Variants in MSRA observed in about 807,000 individuals in gnomAD.
MSRA encodes the protein methionine sulfoxide reductase A, also known as mitochondrial peptide methionine sulfoxide reductase.
In MSRA, 54 loss-of-function variants were observed where a neutral mutation model predicts 31.3. The ratio of observed to expected loss-of-function variants is 1.73; its 90% CI spans 1.39 to 2.17. The LOEUF (loss-of-function observed/expected upper bound fraction) is 2.17. Ranked by LOEUF, MSRA falls within the 30% of genes most tolerant of loss-of-function variation. MSRA has a pLI of 0.00. For synonymous variants in MSRA, 169 were observed against 116.5 expected (o/e 1.45, Z -2.90); for missense variants, 507 against 300.9 (o/e 1.69, Z -5.07).
At chr8:10,359,740 A>ATCTCAGATGGAGGATGG (rs1200842087) in intron 5 of MSRA, among the ~76,000 whole-genome samples, 3 of 151,780 alleles carry the variant, frequency 2.0e-5, no homozygotes, top group Non-Finnish European at 2.9e-5. Flanking sequence ...ATGGAGGACG[A>ATCTCAGATGGAGGATGG]TCTCAGATGG....
Position 10,183,302 on chromosome 8 carries a change from C to A in MSRA, c.143-24531C>A. Among the ~76,000 whole-genome samples the A allele has an allele frequency of 1.3e-5, 2 of 152,166 alleles. 1 individual carries two copies. Among genetic ancestry groups the A allele is most frequent in the Non-Finnish European group, 2.9e-5 (2 of 68,028 alleles). ...GCTTAGGACCAAGGCTGTGTGAGAA[C>A]CAACCGAAGACAGACCTGCAATGTG... is the stretch of plus-strand genomic sequence containing the variant. On this transcript the variant is annotated intron_variant, in intron 1 of 5. Transcript: ENST00000317173.
At chr8:10,127,319 ATAAATGGG>A (rs1215249065) in intron 1 of MSRA, among the ~76,000 whole-genome samples, 1 of 152,258 alleles carries the variant, frequency 6.6e-6, no homozygotes, top group Admixed American at 6.5e-5. Flanking sequence ...AACCTCAGGC[ATAAATGGG>A]TACGGACTAT....
chr8:10,241,447 A>G (rs1585251383), intron 2 of MSRA, among the ~76,000 whole-genome samples: 3 of 152,194 alleles, frequency 2.0e-5, no homozygotes. Flanking sequence ...GATGATGTTT[A>G]AAAAACTCTT....
At chr8:10,285,914 A>C (rs1053776040) in intron 3 of MSRA, among the ~76,000 whole-genome samples, 3 of 152,150 alleles carry the variant, frequency 2.0e-5, no homozygotes, top group African/African-American at 7.2e-5. Context: ...TGTGACATTT[A>C]ATTAAAATTT....
intron 5 of MSRA, among the ~76,000 whole-genome samples, chr8:10,389,294 T>C (rs1806586930): frequency 6.6e-6 from 1 of 152,168 alleles, no homozygotes; most frequent in African/African-American, 2.4e-5. Flanking sequence ...GGAGGAGTGA[T>C]AGAGTTCTAG....
chr8:10,397,121 A>G (rs144181743), intron 5 of MSRA, among the ~76,000 whole-genome samples: 11 of 152,330 alleles, frequency 7.2e-5, no homozygotes, highest in African/African-American at 2.6e-4. Flanking sequence ...GGACTCTATG[A>G]TCCGCAGGTG....
At chr8:10,294,085 T>G (rs1800397299) in intron 3 of MSRA, among the ~76,000 whole-genome samples, 1 of 152,092 alleles carries the variant, frequency 6.6e-6, no homozygotes, top group Non-Finnish European at 1.5e-5. Flanking sequence ...GCACCTATAA[T>G]CTCAGCTACT....
intron 1 of MSRA, among the ~76,000 whole-genome samples, chr8:10,152,170 G>A (rs1803736947): frequency 6.6e-6 from 1 of 152,138 alleles, no homozygotes; most frequent in African/African-American, 2.4e-5. Flanking sequence ...CAGCAAATTG[G>A]ACTTCAGCTT....
chr8:10,095,462 G>C, intron 1 of MSRA: 1 of 985,386 alleles, frequency 1.0e-6, no homozygotes, highest in Non-Finnish European at 1.2e-6. Context: ...ATCCGCAAAG[G>C]ACATCTTTTG....
chr8:10,067,392 A>T (rs1651192634), intron 1 of MSRA, among the ~76,000 whole-genome samples: 1 of 152,188 alleles, frequency 6.6e-6, no homozygotes, highest in African/African-American at 2.4e-5. Flanking sequence ...CATTGTATGG[A>T]TGTACCACAG....
At chr8:10,115,900 C>G (rs1453516844) in intron 1 of MSRA, among the ~76,000 whole-genome samples, 1 of 152,162 alleles carries the variant, frequency 6.6e-6, no homozygotes, top group African/African-American at 2.4e-5. Flanking sequence ...ATTTTTAAAA[C>G]AAGATACTAA....
Position 10,343,003 on chromosome 8 carries a change from G to A in MSRA, c.543+23014G>A, listed in dbSNP as rs527345758. Among the ~76,000 whole-genome samples the A allele has an allele frequency of 3.4e-5, 5 of 148,400 alleles. No individual in the cohort carries two copies. The East Asian group carries it at 9.9e-4, about 29-fold the overall frequency. The stretch of plus-strand genomic sequence containing the variant: ...TGAGATAACGTGTGGAAAGGAACTG[G>A]CATCTTGCATAAGCATTACACACAC... On this transcript the variant is annotated intron_variant, in intron 5 of 5. Coordinates refer to ENST00000317173, the MANE Select transcript of MSRA (RefSeq NM_012331.5).
chr8:10,269,431 T>TA (rs1246445364), intron 3 of MSRA, among the ~76,000 whole-genome samples: 1 of 152,228 alleles, frequency 6.6e-6, no homozygotes, highest in African/African-American at 2.4e-5. Context: ...TACCACTGAT[T>TA]ACTCGATCAC....
At chr8:10,127,874 C>G (rs868652850) in intron 1 of MSRA, among the ~76,000 whole-genome samples, 6 of 151,614 alleles carry the variant, frequency 4.0e-5, no homozygotes, top group African/African-American at 1.2e-4. Context: ...TTTCAGACCT[C>G]CAGGAAGAAT....
At chr8:10,367,870 CA>C (rs1381554649) in intron 5 of MSRA, among the ~76,000 whole-genome samples, 1 of 152,164 alleles carries the variant, frequency 6.6e-6, no homozygotes, top group Non-Finnish European at 1.5e-5. Flanking sequence ...CTGAGAAGCC[CA>C]AGTGAGGGGG....
At chr8:10,392,402 C>T (rs1033578462) in intron 5 of MSRA, among the ~76,000 whole-genome samples, 14 of 152,182 alleles carry the variant, frequency 9.2e-5, no homozygotes, top group African/African-American at 2.9e-4. Flanking sequence ...CCTGAGCCGA[C>T]GTGGCTGGTC....
At chr8:10,118,933 G>C (rs1487194989) in intron 1 of MSRA, among the ~76,000 whole-genome samples, 1 of 152,146 alleles carries the variant, frequency 6.6e-6, no homozygotes, top group Non-Finnish European at 1.5e-5. Flanking sequence ...ACAATTCTTG[G>C]CTTTCCTGGT....
rs549876682 is a variant in MSRA, at chr8:10,233,791, C to T, written c.212-11313C>T. ...TATTTGAGAATATAATAGCTGAAGACTTTTTAGAAATGAAGATGTGAATCA... is the reference window on the plus strand; with the variant it reads ...TATTTGAGAATATAATAGCTGAAGATTTTTTAGAAATGAAGATGTGAATCA... On this transcript the variant is annotated intron_variant, in intron 2 of 5. Transcript: ENST00000317173. Among the ~76,000 whole-genome samples the T allele has an allele frequency of 3.9e-5, 6 of 152,172 alleles. No individual in the cohort carries two copies. In the East Asian group the frequency reaches 9.6e-4, roughly 24 times the overall value.
At chr8:10,149,080 C>A (rs1171866707) in intron 1 of MSRA, among the ~76,000 whole-genome samples, 1 of 151,574 alleles carries the variant, frequency 6.6e-6, no homozygotes, top group African/African-American at 2.4e-5. Flanking sequence ...CTCAGCCTCC[C>A]AAGTAGGTAG....
Sources: allele counts gnomAD v4.1 joint callset (sites outside exome capture counted in the v4.1 genomes callset), GRCh38; gene constraint gnomAD v4.1.1; transcripts MANE v1.5; gene names NCBI Gene and HGNC (gene_info 2026-07-23, HGNC 2026-07-21).